Variants in CHTF18 observed in about 807,000 individuals in gnomAD.
CHTF18 encodes the protein chromosome transmission fidelity factor 18, also known as chromosome transmission fidelity protein 18 homolog.
In CHTF18, 151 loss-of-function variants were observed where a neutral mutation model predicts 113.4. That is an observed-to-expected ratio of 1.33 (90% CI 1.17 to 1.52). The LOEUF (loss-of-function observed/expected upper bound fraction) is 1.52, where lower values mean the gene tolerates loss of function less well. Among genes scored for constraint, CHTF18 ranks in the 40% most tolerant of loss-of-function variants. CHTF18 has a pLI of 0.00. For synonymous variants in CHTF18, 916 were observed against 598.8 expected, an observed-to-expected ratio of 1.53 and a Z score of -7.74; for missense variants, 1,982 against 1,381.6, an observed-to-expected ratio of 1.43 and a Z score of -6.89.
At chr16:789,947 C>A (rs550087888) in intron 4 of CHTF18, 4 of 1,511,622 alleles carry the variant, frequency 2.6e-6, no homozygotes, top group South Asian at 1.2e-5. Context: ...TCCTTGCTTC[C>A]CCTCCTGCTT....
In CHTF18 at chr16:789,034, C is replaced by G. The variant is rs769851853; in HGVS notation, c.195C>G (p.Pro65=). Residue 65 remains proline, a synonymous_variant, in exon 2 of 22, where the codon CCC becomes CCG. Transcript: ENST00000262315. ...ALARGDAASS[P]APAASVGSSQ... ...CCAGAGGGGACGCGGCCTCCAGTCCCGCCCCAGCCGCATCTGTGGGCAGCA... is the reference window on the plus strand; with the variant it reads ...CCAGAGGGGACGCGGCCTCCAGTCCGGCCCCAGCCGCATCTGTGGGCAGCA... 5 of 1,536,462 alleles carry G rather than the reference C, an allele frequency of 3.3e-6. No homozygotes were observed. The highest frequency in any genetic ancestry group is 2.2e-4 in the Middle Eastern group (1 of 4,618).
chr16:793,215 C>G lies in CHTF18; in HGVS notation c.1743C>G (p.Asp581Glu), dbSNP rs772196910. Residue 581 changes from aspartate (D) to glutamate (E), a missense_variant, in exon 14 of 22, where the codon GAC becomes GAG. Asp to Glu is a conservative substitution (Grantham distance 45). Transcript: ENST00000262315. ...DVQATRVGLKDQRRGLFSVWQ... is the reference protein window; with the variant it reads ...DVQATRVGLKEQRRGLFSVWQ... ...AGGCCACACGCGTGGGCCTCAAGGA[C>G]CAGCGCAGAGGGCTCTTCTCGGTGT... is the stretch of plus-strand genomic sequence containing the variant. 1.2e-6 allele frequency: 2 copies of G among 1,609,578 alleles called. No individual in the cohort carries two copies. Among genetic ancestry groups the G allele is most frequent in the East Asian group, 2.2e-5 (1 of 44,810 alleles).
At position 789,056 on chromosome 16, in the gene CHTF18, A is replaced by C. The variant is rs767480753; in HGVS notation, c.217A>C (p.Ser73Arg). The part of the protein sequence containing the change: ...SSPAPAASVG[S>R]SQGGARKRQV... Reference sequence around the variant, plus strand: ...TCCCGCCCCAGCCGCATCTGTGGGCAGCAGCCAGGGCGGCGCCAGGAAGAG... The same window carrying C: ...TCCCGCCCCAGCCGCATCTGTGGGCCGCAGCCAGGGCGGCGCCAGGAAGAG... Residue 73 changes from serine to arginine, a missense_variant, in exon 2 of 22, where the codon AGC becomes CGC. Coordinates refer to ENST00000262315, the MANE Select transcript of CHTF18 (RefSeq NM_022092.3). The C allele has an allele frequency of 1.2e-5, 19 of 1,538,622 alleles. No homozygotes were observed. The highest frequency in any genetic ancestry group is 2.8e-5 in the African/African-American group (2 of 72,576).
chr16:793,081 C>A lies in CHTF18; in HGVS notation c.1671+17C>A. 1 of 1,152,554 alleles carries A rather than the reference C, an allele frequency of 8.7e-7. No homozygotes were observed. 71.4% of individuals were successfully genotyped at this position (1,152,554 alleles called of 1,614,324 possible). A position where few individuals can be genotyped will look rare whatever the true frequency, so the allele number is the denominator to read the frequency against. On this transcript the variant is annotated intron_variant, in intron 13 of 21. Coordinates refer to ENST00000262315, the MANE Select transcript of CHTF18 (RefSeq NM_022092.3). ...ACCCTGCAGGTGGGCGGCCGGCAGG[C>A]ACCGGGTGGGGTGGGGTGGGGTCAG... is the stretch of plus-strand genomic sequence containing the variant.
rs145288530 is a variant in CHTF18, at chr16:796,194, C to T, written c.2456+117C>T. On this transcript the variant is annotated intron_variant, in intron 18 of 21. Transcript: ENST00000262315. ...GCACGGTCATGGCGTCTGGGGGTGG[C>T]GGGCCCCAGCTTATCTTTTGCTCAG... 5.9e-4 allele frequency: 786 copies of T among 1,343,100 alleles called. 6 individuals are homozygous for T. In the South Asian group the frequency reaches 6.8e-3, roughly 12 times the overall value. 83.2% of individuals were successfully genotyped at this position (1,343,100 alleles called of 1,614,324 possible).
At chr16:793,396 C>T in intron 14 of CHTF18, 122 bp downstream of exon 14, 3 of 1,259,244 alleles carry the variant, frequency 2.4e-6, no homozygotes, top group Non-Finnish European at 3.3e-6. Context: ...CCCGCGGTTG[C>T]CTGGTCCAGC....
At chr16:796,203 G>A (rs2042342626) in intron 18 of CHTF18, 126 bp downstream of exon 18, 1 of 1,286,868 alleles carries the variant, frequency 7.8e-7, no homozygotes, top group Non-Finnish European at 1.1e-6. Flanking sequence ...GCGGGCCCCA[G>A]CTTATCTTTT....
At chr16:797,322 G>A (rs992259379) in intron 20 of CHTF18, among the ~76,000 whole-genome samples, 2 of 152,004 alleles carry the variant, frequency 1.3e-5, no homozygotes, top group African/African-American at 4.8e-5. Flanking sequence ...GCACCCATGG[G>A]GTGGGGCCAG....
intron 11 of CHTF18, 32 bp downstream of exon 11, chr16:792,622 G>A (rs1567398860): frequency 6.3e-7 from 1 of 1,591,898 alleles, no homozygotes; most frequent in Non-Finnish European, 8.5e-7. Context: ...ACAGTCAGGA[G>A]AGGCTCTGGT....
At position 790,398 on chromosome 16, in the gene CHTF18, A is replaced by G. The variant is rs2042163008; in HGVS notation, c.751A>G (p.Ser251Gly). The G allele has an allele frequency of 1.2e-6, 2 of 1,612,394 alleles. No individual in the cohort carries two copies. Among genetic ancestry groups the G allele is most frequent in the East Asian group, 2.2e-5 (1 of 44,874 alleles). Reference protein sequence around the residue: ...EAQKLSDTLHSLRSGEEEAAQ... With the variant: ...EAQKLSDTLHGLRSGEEEAAQ... ...CCAGAAGCTTTCAGACACCCTGCAC[A>G]GGTGACTTGGTTGGCCCTTCCGCCC... Residue 251 changes from serine to glycine, a missense_variant and splice_region_variant, in exon 6 of 22, where the codon AGT becomes GGT. Ser to Gly is a moderately conservative substitution (Grantham distance 56). Transcript: ENST00000262315.
At chr16:795,915 C>T (rs369717954) in intron 17 of CHTF18, 32 bp from the exon 18 acceptor site, 80 of 1,601,926 alleles carry the variant, frequency 5.0e-5, no homozygotes, top group Middle Eastern at 3.3e-4. Flanking sequence ...ACAGCCTGCT[C>T]AGCTCCCTGT....
In CHTF18 at chr16:794,108, C is replaced by T. The variant is rs371412265; in HGVS notation, c.1857C>T (p.Asp619=). 2.8e-5 allele frequency: 45 copies of T among 1,612,388 alleles called. No individual in the cohort carries two copies. Among genetic ancestry groups the T allele is most frequent in the East Asian group, 1.8e-4 (8 of 44,880 alleles). The change falls in exon 15 of 22, where the codon GAC becomes GAT. Residue 619 remains aspartate (D), a synonymous_variant. Transcript: ENST00000262315. ...CTGCTGACACACTCCTGCTGGGTGACGGGGACGCGGGCTCCCTCACCTCCG... is the reference window on the plus strand; with the variant it reads ...CTGCTGACACACTCCTGCTGGGTGATGGGGACGCGGGCTCCCTCACCTCCG... ...ALPADTLLLG[D]GDAGSLTSAS...
At position 790,657 on chromosome 16, in the gene CHTF18, C is replaced by G; in HGVS notation, c.885C>G (p.Leu295=). 3 of 1,574,636 alleles carry G rather than the reference C, an allele frequency of 1.9e-6. No homozygotes were observed. The highest frequency in any genetic ancestry group is 2.6e-6 in the Non-Finnish European group (3 of 1,166,938). ...CACCCCGCCACTACACGGAGCTGCT[C>G]AGTGATGACGTGAGGTCTTGTTCTC... ...EFAPRHYTEL[L]SDDFTNRCLL... is the part of the protein sequence containing the mutation. Residue 295 remains leucine (L), a synonymous_variant, in exon 7 of 22, where the codon CTC becomes CTG. Transcript: ENST00000262315.
At chr16:797,599 C>A in intron 20 of CHTF18, 95 bp from the exon 21 acceptor site, 1 of 1,390,684 alleles carries the variant, frequency 7.2e-7, no homozygotes, top group South Asian at 1.2e-5. Flanking sequence ...TGTTCTGGTC[C>A]CTCCTCCCTG....
At position 789,616 on chromosome 16, in the gene CHTF18, G is replaced by A; in HGVS notation, c.507G>A (p.Arg169=). The part of the protein sequence containing the change: ...ASPAARNPVL[R]RPPILEDYVH... ...CAGCTGCCCGCAATCCCGTCCTGAGGCGGCCCCCCATCTTGGAGGACTACG... is the reference window on the plus strand; with the variant it reads ...CAGCTGCCCGCAATCCCGTCCTGAGACGGCCCCCCATCTTGGAGGACTACG... Residue 169 remains arginine (R), a synonymous_variant, in exon 4 of 22, where the codon AGG becomes AGA. Coordinates refer to ENST00000262315, the MANE Select transcript of CHTF18 (RefSeq NM_022092.3). The A allele has an allele frequency of 3.7e-6, 6 of 1,609,066 alleles. No individual in the cohort carries two copies. The highest frequency in any genetic ancestry group is 5.1e-6 in the Non-Finnish European group (6 of 1,179,770).
chr16:794,920 C>T (rs1240302245), intron 15 of CHTF18: 4 of 582,292 alleles, frequency 6.9e-6, no homozygotes, highest in Non-Finnish European at 1.2e-5. Flanking sequence ...AGGGTGGACC[C>T]TCCCCCGACC....
In CHTF18 at chr16:790,157, T is replaced by C. The variant is rs901677738; in HGVS notation, c.607-20T>C. ...TGACCTAGGAGGGGCCCAGAGGCAA[T>C]TGTCCTCCCTTCCCCACAGGGCTCT... On this transcript the variant is annotated intron_variant, in intron 4 of 21. Coordinates refer to ENST00000262315, the MANE Select transcript of CHTF18 (RefSeq NM_022092.3). The C allele has an allele frequency of 6.3e-7, 1 of 1,577,004 alleles. No individual in the cohort carries two copies. The highest frequency in any genetic ancestry group is 1.4e-5 in the African/African-American group (1 of 73,926).
intron 15 of CHTF18, chr16:794,914 T>A (rs1256541698): frequency 1.7e-6 from 1 of 578,880 alleles, no homozygotes; most frequent in Non-Finnish European, 3.1e-6. Flanking sequence ...ATGCTCAGGG[T>A]GGACCCTCCC....
At chr16:794,341 C>T in intron 15 of CHTF18, 140 bp downstream of exon 15, 1 of 999,072 alleles carries the variant, frequency 1.0e-6, no homozygotes, top group Non-Finnish European at 1.4e-6. Context: ...AAATGGGGTG[C>T]CAGGAAGTCT....
Sources: gnomAD v4.1 joint callset for allele counts (sites outside exome capture counted in the v4.1 genomes callset) on GRCh38, gnomAD v4.1.1 for gene constraint, MANE v1.5 for transcripts, NCBI Gene and HGNC (gene_info 2026-07-23, HGNC 2026-07-21) for gene names.